HCK: variants seen among roughly 807,000 people sequenced by gnomAD.
HCK encodes the protein tyrosine-protein kinase HCK.
HCK carries 40 observed loss-of-function variants against 70.4 expected under a neutral mutation model. The ratio of observed to expected loss-of-function variants is 0.57; its 90% CI spans 0.44 to 0.74. HCK has a LOEUF of 0.74. Ranked by LOEUF, HCK falls within the 30% of genes least tolerant of loss-of-function variation. HCK has a pLI of 0.00. For synonymous variants in HCK, 245 were observed against 263.2 expected (o/e 0.93, Z 0.67); for missense variants, 568 against 697.2 (o/e 0.81, Z 2.09).
At chr20:32,083,442 A>G (rs2045735085) in intron 6 of HCK, among the ~76,000 whole-genome samples, 1 of 152,218 alleles carries the variant, frequency 6.6e-6, no homozygotes, top group East Asian at 1.9e-4. Context: ...GTTTTTATGA[A>G]AAAGTAAAAA....
At position 32,074,729 on chromosome 20, in the gene HCK, T is replaced by A. The variant is rs1272839572; in HGVS notation, c.428+8T>A. On this transcript the variant is annotated splice_region_variant and intron_variant, in intron 5 of 12. Transcript: ENST00000375852. Reference sequence around the variant, plus strand: ...CTCTCTGGAGACAGAGGAGTAAGTATCCTATTTCCTACCTTCCAGAAAGAG... The same window carrying A: ...CTCTCTGGAGACAGAGGAGTAAGTAACCTATTTCCTACCTTCCAGAAAGAG... 1.9e-6 allele frequency: 3 copies of A among 1,597,920 alleles called. No individual in the cohort carries two copies. The highest frequency in any genetic ancestry group is 2.6e-6 in the Non-Finnish European group (3 of 1,165,346).
At chr20:32,055,442 C>A (rs770798401) in intron 1 of HCK, among the ~76,000 whole-genome samples, 1 of 152,142 alleles carries the variant, frequency 6.6e-6, no homozygotes, top group Non-Finnish European at 1.5e-5. Flanking sequence ...CTTTTCTATG[C>A]ACTTTTAAAT....
At chr20:32,093,490 C>CGTGT (rs3073297) in intron 10 of HCK, among the ~76,000 whole-genome samples, 5,141 of 146,378 alleles carry the variant, frequency 0.035, 217 homozygotes, top group African/African-American at 0.099. Context: ...TCCTAGGGTT[C>CGTGT]GTGTGTGTGT....
intron 5 of HCK, among the ~76,000 whole-genome samples, chr20:32,075,798 G>C (rs976829065): frequency 1.3e-5 from 2 of 152,064 alleles, no homozygotes; most frequent in African/African-American, 4.8e-5. Flanking sequence ...ACTTAGATGG[G>C]GCTCCCTGCT....
chr20:32,097,905 G>A (rs9679931), intron 11 of HCK, among the ~76,000 whole-genome samples: 2,542 of 152,106 alleles, frequency 0.017, 73 homozygotes, highest in African/African-American at 0.058. Context: ...TGCCAGGTGC[G>A]GTGGCTCACA....
intron 11 of HCK, among the ~76,000 whole-genome samples, chr20:32,097,002 G>A (rs1008874121): frequency 1.4e-4 from 21 of 152,052 alleles, no homozygotes; most frequent in South Asian, 4.1e-4. Context: ...AATTTAGACC[G>A]GGCACAGTGG....
intron 10 of HCK, among the ~76,000 whole-genome samples, chr20:32,093,576 A>G (rs1297862146): frequency 6.6e-6 from 1 of 151,900 alleles, no homozygotes; most frequent in Non-Finnish European, 1.5e-5. Flanking sequence ...TCCTGGAGAA[A>G]TAGTCCCATT....
intron 1 of HCK, 44 bp downstream of exon 1, chr20:32,052,530 G>T: frequency 8.0e-7 from 1 of 1,244,600 alleles, no homozygotes. Flanking sequence ...GGCCCGCGAG[G>T]GGTCCCAGGA....
intron 6 of HCK, among the ~76,000 whole-genome samples, chr20:32,083,602 C>G (rs1311912173): frequency 6.6e-6 from 1 of 152,230 alleles, no homozygotes; most frequent in Non-Finnish European, 1.5e-5. Context: ...TTTTAGCCGT[C>G]AGGCAATAGG....
chr20:32,099,350 C>CTTTTTTTTTTTTTTTTTTTT lies in HCK; in HGVS notation c.1378+221_1378+240dup, dbSNP rs71336559. Among the ~76,000 whole-genome samples, 23 of 85,172 alleles carry CTTTTTTTTTTTTTTTTTTTT rather than the reference C, an allele frequency of 2.7e-4. 2 individuals are homozygous for CTTTTTTTTTTTTTTTTTTTT. Among genetic ancestry groups the CTTTTTTTTTTTTTTTTTTTT allele is most frequent in the African/African-American group, 1.4e-3 (21 of 15,518 alleles). The allele number at this position is 85,172 out of a possible 152,430, so 55.9% of individuals were successfully genotyped here. A position where few individuals can be genotyped will look rare whatever the true frequency, so the allele number is the denominator to read the frequency against. ...CCTTCCTTCTCTCTCACTCCTATGA[C>CTTTTTTTTTTTTTTTTTTTT]TTTTTTTTTTTTTTTTTTTTTTTTT... On this transcript the variant is annotated intron_variant, in intron 12 of 12. Coordinates refer to ENST00000375852, the MANE Select transcript of HCK (RefSeq NM_002110.5).
chr20:32,079,925 C>T lies in HCK; in HGVS notation c.532+48C>T, dbSNP rs551366068. 1.2e-5 allele frequency: 16 copies of T among 1,354,394 alleles called. No homozygotes were observed. In the South Asian group the frequency reaches 1.7e-4, roughly 14 times the overall value. 83.9% of individuals were successfully genotyped at this position (1,354,394 alleles called of 1,614,324 possible). ...TGTCCTCCCTGCCGAGGTGCCCCAG[C>T]TGGGGCTGGCCACCACCCTTTCCTT... On this transcript the variant is annotated intron_variant, in intron 6 of 12. Transcript: ENST00000375852.
At position 32,052,460 on chromosome 20, in the gene HCK, C is replaced by A; in HGVS notation, c.36C>A (p.Cys12Ter). The change falls in exon 1 of 13, where the codon TGC (cysteine) becomes TGA (stop). Residue 12 changes from cysteine to a stop codon, truncating the protein, a stop_gained. Transcript: ENST00000375852. LOFTEE classifies it high-confidence loss of function. ...GCTCAAGCTGCGAGGATCCGGGCTGCCCGCGAGACGAGGAGCGGGCGCCCA... is the reference window on the plus strand; with the variant it reads ...GCTCAAGCTGCGAGGATCCGGGCTGACCGCGAGACGAGGAGCGGGCGCCCA... 1 of 1,267,558 alleles carries A rather than the reference C, an allele frequency of 7.9e-7. No homozygotes were observed. 78.5% of individuals were successfully genotyped at this position (1,267,558 alleles called of 1,614,324 possible).
intron 10 of HCK, among the ~76,000 whole-genome samples, 175 bp downstream of exon 10, chr20:32,088,819 C>A (rs1372260974): frequency 1.3e-5 from 2 of 152,174 alleles, no homozygotes; most frequent in Non-Finnish European, 2.9e-5. Flanking sequence ...TGTACTCATT[C>A]ATTTAATCAT....
chr20:32,095,612 G>A (rs1205124811), intron 11 of HCK, among the ~76,000 whole-genome samples: 2 of 152,146 alleles, frequency 1.3e-5, no homozygotes, highest in African/African-American at 4.8e-5. Context: ...TACAGCTGGT[G>A]GTGGGGAGTT....
intron 6 of HCK, among the ~76,000 whole-genome samples, chr20:32,082,807 A>G (rs1192101047): frequency 6.6e-6 from 1 of 152,110 alleles, no homozygotes; most frequent in Non-Finnish European, 1.5e-5. Flanking sequence ...TTTCTGCTCT[A>G]TGTGATAATA....
At chr20:32,062,758 AGT>A (rs1247076404) in intron 1 of HCK, among the ~76,000 whole-genome samples, 1 of 152,254 alleles carries the variant, frequency 6.6e-6, no homozygotes, top group Non-Finnish European at 1.5e-5. Context: ...TATTAGGGAC[AGT>A]AGTCACTCGG....
intron 10 of HCK, 21 bp downstream of exon 10, chr20:32,088,665 C>T (rs369945538): frequency 8.1e-5 from 130 of 1,597,864 alleles, no homozygotes; most frequent in East Asian, 6.0e-4. Flanking sequence ...AACGAGGAAA[C>T]GGGGAAGGGA....
At position 32,071,768 on chromosome 20, in the gene HCK, TCCA is replaced by T; in HGVS notation, c.173_175del (p.Thr58del). 1.2e-6 allele frequency: 2 copies of T among 1,613,830 alleles called. No homozygotes were observed. The highest frequency in any genetic ancestry group is 1.7e-6 in the Non-Finnish European group (2 of 1,179,860). On this transcript the variant is annotated inframe_deletion, in exon 2 of 13. Transcript: ENST00000375852. ...TCCTGTGTACGTGCCGGATCCCACA[TCCA>T]CCATCAAGCCGGTGAGTAGGGGAGG...
rs148264751 is a variant in HCK, at chr20:32,073,335, A to G, written c.200A>G (p.Asn67Ser). ...TCCCCACAGGGGCCTAATAGCCACA[A>G]CAGCAACACACCAGGAATCAGGGAG... The change falls in exon 3 of 13, where the codon AAC becomes AGC. Residue 67 changes from asparagine to serine, a missense_variant. By Grantham distance (46) the Asn-to-Ser change is conservative. Transcript: ENST00000375852. 57 of 1,612,150 alleles carry G rather than the reference A, an allele frequency of 3.5e-5. No homozygotes were observed. In the African/African-American group the frequency reaches 7.4e-4, roughly 21 times the overall value.
Sources: allele counts gnomAD v4.1 joint callset (sites outside exome capture counted in the v4.1 genomes callset), GRCh38; gene constraint gnomAD v4.1.1; transcripts MANE v1.5; gene names NCBI Gene and HGNC (gene_info 2026-07-23, HGNC 2026-07-21).